The following RBFOX1 variants were observed in gnomAD, a reference collection of about 807,000 sequenced individuals.
The protein encoded by RBFOX1 is RNA binding protein fox-1 homolog 1.
RBFOX1 carries 8 observed loss-of-function variants against 57.7 expected under a neutral mutation model. That is an observed-to-expected ratio of 0.14 (90% CI 0.08 to 0.25). The LOEUF (loss-of-function observed/expected upper bound fraction) is 0.25. Among genes scored for constraint, RBFOX1 ranks in the 10% least tolerant of loss-of-function variants. RBFOX1 has a pLI of 1.00. For synonymous variants in RBFOX1, 326 were observed against 222.4 expected (o/e 1.47, Z -4.15); for missense variants, 611 against 548.5 (o/e 1.11, Z -1.14).
chr16:7,024,015 T>C (rs2040135793), intron 3 of RBFOX1, among the ~76,000 whole-genome samples: 1 of 152,172 alleles, frequency 6.6e-6, no homozygotes, highest in Non-Finnish European at 1.5e-5. Context: ...ATCCTCCTGA[T>C]AACCGTATGT....
intron 4 of RBFOX1, among the ~76,000 whole-genome samples, chr16:7,417,389 A>AAG (rs2098490521): frequency 6.6e-6 from 1 of 151,158 alleles, no homozygotes; most frequent in Non-Finnish European, 1.5e-5. Context: ...AAAAAAAAAA[A>AAG]AGAGATGACC....
chr16:6,832,963 A>C (rs1417351566), intron 3 of RBFOX1, among the ~76,000 whole-genome samples: 5 of 152,150 alleles, frequency 3.3e-5, no homozygotes, highest in Non-Finnish European at 5.9e-5. Context: ...ACAGTCACAC[A>C]AATTGATATG....
At chr16:7,155,712 A>ATATATATAT (rs1555516461) in intron 4 of RBFOX1, among the ~76,000 whole-genome samples, 1 of 77,408 alleles carries the variant, frequency 1.3e-5, no homozygotes, top group African/African-American at 6.7e-5. Flanking sequence ...AAAAAAAAAA[A>ATATATATAT]ATATATATAT....
intron 2 of RBFOX1, among the ~76,000 whole-genome samples, chr16:6,413,183 G>T (rs986811618): frequency 1.3e-5 from 2 of 152,124 alleles, no homozygotes; most frequent in African/African-American, 2.4e-5. Flanking sequence ...GCTGGGTGTG[G>T]TGGCACATGC....
intron 4 of RBFOX1, among the ~76,000 whole-genome samples, chr16:7,127,765 C>T (rs1013279199): frequency 1.4e-4 from 21 of 152,302 alleles, no homozygotes; most frequent in African/African-American, 4.8e-4. Context: ...CTCATAGCCC[C>T]GTGGAGGCAG....
At chr16:5,495,408 G>A (rs956038469) in intron 2 of RBFOX1, among the ~76,000 whole-genome samples, 5 of 152,184 alleles carry the variant, frequency 3.3e-5, no homozygotes, top group East Asian at 1.9e-4. Context: ...TCACTGTCAT[G>A]GTAACAGCAA....
chr16:6,614,673 G>A (rs12918001), intron 2 of RBFOX1, among the ~76,000 whole-genome samples: 26,941 of 152,040 alleles, frequency 0.18, 2,892 homozygotes, highest in Middle Eastern at 0.25. Flanking sequence ...CTAGTGATTT[G>A]CCCCACAGTC....
chr16:5,816,961 T>G (rs1401928116), intron 3 of RBFOX1, among the ~76,000 whole-genome samples: 2 of 152,302 alleles, frequency 1.3e-5, no homozygotes, highest in Non-Finnish European at 1.5e-5. Context: ...CTCTTTGTTT[T>G]TGGGATCCAA....
intron 1 of RBFOX1, among the ~76,000 whole-genome samples, chr16:6,228,729 A>T (rs1053966951): frequency 1.3e-5 from 2 of 152,138 alleles, no homozygotes; most frequent in African/African-American, 4.8e-5. Flanking sequence ...CAAGAGATCT[A>T]TTGTACAATA....
intron 1 of RBFOX1, among the ~76,000 whole-genome samples, chr16:5,370,540 T>A (rs1245968442): frequency 1.3e-5 from 2 of 151,734 alleles, no homozygotes; most frequent in African/African-American, 2.4e-5. Context: ...TCACCCAGGA[T>A]GGAATGCAGC....
intron 14 of RBFOX1, among the ~76,000 whole-genome samples, chr16:7,705,329 G>T (rs946356748): frequency 1.2e-4 from 19 of 152,104 alleles, no homozygotes; most frequent in Admixed American, 1.2e-3. Flanking sequence ...ACACAGTGAA[G>T]CCCCATATCT....
chr16:6,955,526 C>CT (rs141628658), intron 3 of RBFOX1, among the ~76,000 whole-genome samples: 24,444 of 151,928 alleles, frequency 0.16, 2,164 homozygotes, highest in Non-Finnish European at 0.19. Context: ...TCATTGCTTG[C>CT]TTTTTTCAAA....
At chr16:7,014,869 C>T (rs1200968758) in intron 3 of RBFOX1, among the ~76,000 whole-genome samples, 3 of 152,072 alleles carry the variant, frequency 2.0e-5, no homozygotes, top group East Asian at 1.9e-4. Flanking sequence ...AGATTACAGG[C>T]ATGTGCCACC....
At chr16:7,034,828 T>TTTTTTTTTTTC (rs2043837114) in intron 3 of RBFOX1, among the ~76,000 whole-genome samples, 3 of 37,974 alleles carry the variant, frequency 7.9e-5, no homozygotes, top group African/African-American at 2.1e-4. Flanking sequence ...ATTGCATTAC[T>TTTTTTTTTTTC]TTTTTTTTTT....
chr16:6,787,904 A>G (rs552508923), intron 3 of RBFOX1, among the ~76,000 whole-genome samples: 13 of 152,176 alleles, frequency 8.5e-5, no homozygotes, highest in Non-Finnish European at 1.3e-4. Context: ...TTAATAGCCA[A>G]TCTGTCATTA....
At chr16:6,974,174 C>G (rs1483088189) in intron 3 of RBFOX1, among the ~76,000 whole-genome samples, 1 of 151,968 alleles carries the variant, frequency 6.6e-6, no homozygotes, top group Non-Finnish European at 1.5e-5. Context: ...TTAATCCAGT[C>G]TATCATTGCT....
At chr16:5,549,114 A>G (rs1043981974) in intron 2 of RBFOX1, among the ~76,000 whole-genome samples, 1 of 152,192 alleles carries the variant, frequency 6.6e-6, no homozygotes, top group Admixed American at 6.5e-5. Context: ...AGATGACCCT[A>G]TGAGCAGCTC....
At chr16:6,973,585 G>A (rs1048613597) in intron 3 of RBFOX1, among the ~76,000 whole-genome samples, 2 of 152,122 alleles carry the variant, frequency 1.3e-5, no homozygotes, top group Non-Finnish European at 2.9e-5. Flanking sequence ...CGAGGGGATT[G>A]TAAATGGTGA....
chr16:7,012,051 C>T (rs1024933177), intron 3 of RBFOX1, among the ~76,000 whole-genome samples: 1 of 151,986 alleles, frequency 6.6e-6, no homozygotes, highest in Admixed American at 6.5e-5. Flanking sequence ...TCCAGACCTC[C>T]AAAATAATAA....
Sources: gnomAD v4.1 joint callset for allele counts (sites outside exome capture counted in the v4.1 genomes callset) on GRCh38, gnomAD v4.1.1 for gene constraint, MANE v1.5 for transcripts, NCBI Gene and HGNC (gene_info 2026-07-23, HGNC 2026-07-21) for gene names.